Variants in CLASP1 observed in about 807,000 individuals in gnomAD.
The protein encoded by CLASP1 is CLIP-associating protein 1.
In CLASP1, 38 loss-of-function variants were observed where a neutral mutation model predicts 192.3. The ratio of observed to expected loss-of-function variants is 0.20; its 90% CI spans 0.15 to 0.26. CLASP1 has a LOEUF of 0.26. Among genes scored for constraint, CLASP1 ranks in the 10% least tolerant of loss-of-function variants. The pLI, the probability that CLASP1 is intolerant of heterozygous loss-of-function variation, is 1.00. For missense variants in CLASP1, 1,433 were observed against 1,932.5 expected (o/e 0.74, Z 4.85); for synonymous variants, 691 against 712.8 (o/e 0.97, Z 0.49).
intron 2 of CLASP1, among the ~76,000 whole-genome samples, chr2:121,561,881 C>T (rs1465280430): frequency 1.3e-5 from 2 of 152,162 alleles, no homozygotes; most frequent in East Asian, 3.8e-4. Context: ...GGCTTATCTA[C>T]AAGGGTTATT....
intron 9 of CLASP1, among the ~76,000 whole-genome samples, chr2:121,463,784 G>A (rs2088702017): frequency 6.6e-6 from 1 of 152,102 alleles, no homozygotes. Context: ...AGGGACTTCT[G>A]GAAGGGGTAT....
chr2:121,634,778 A>AT (rs34010782), intron 1 of CLASP1, among the ~76,000 whole-genome samples: 16,740 of 152,170 alleles, frequency 0.11, 1,131 homozygotes, highest in African/African-American at 0.17. Context: ...TATTGAGAGC[A>AT]TTTTTTAGAG....
chr2:121,425,045 ATC>A (rs1285098912), intron 22 of CLASP1, 92 bp downstream of exon 22: 1 of 1,261,154 alleles, frequency 7.9e-7, no homozygotes, highest in African/African-American at 1.5e-5. Flanking sequence ...CAAAAAATAG[ATC>A]TATATTTCCT....
chr2:121,633,028 A>ATATATATATATATATATATATATAT (rs71398039), intron 1 of CLASP1, among the ~76,000 whole-genome samples: 4 of 137,534 alleles, frequency 2.9e-5, no homozygotes, highest in South Asian at 2.4e-4. Context: ...ATATATATAT[A>ATATATATATATATATATATATATAT]GGCTTTTTTT....
intron 33 of CLASP1, among the ~76,000 whole-genome samples, chr2:121,381,892 C>T (rs1335561011): frequency 6.6e-6 from 1 of 152,178 alleles, no homozygotes; most frequent in African/African-American, 2.4e-5. Context: ...ACGCTGACCT[C>T]ACAGCATTTC....
In CLASP1 at chr2:121,425,125, T is replaced by C. The variant is rs745386812; in HGVS notation, c.2212+14A>G. 34 of 1,592,264 alleles carry C rather than the reference T, an allele frequency of 2.1e-5. 1 individual carries two copies. In the Middle Eastern group the frequency reaches 3.3e-3, roughly 156 times the overall value. ...AGCTGGGAATGGTATTCCAAGATCT[T>C]TGAGAATCCTTACCTAATCCTATTC... On this transcript the variant is annotated intron_variant, in intron 22 of 39. Transcript: ENST00000263710.
chr2:121,360,996 A>G (rs929946775), intron 37 of CLASP1, among the ~76,000 whole-genome samples: 7 of 152,242 alleles, frequency 4.6e-5, no homozygotes, highest in East Asian at 1.9e-4. Context: ...AAAAAAGCAA[A>G]TAACAAACCA....
chr2:121,615,700 C>T (rs113339117), intron 1 of CLASP1, among the ~76,000 whole-genome samples: 1 of 152,124 alleles, frequency 6.6e-6, no homozygotes, highest in African/African-American at 2.4e-5. Context: ...AGGAGAATTG[C>T]TTGAACCCAG....
intron 8 of CLASP1, among the ~76,000 whole-genome samples, chr2:121,501,670 T>C (rs958688420): frequency 2.6e-5 from 4 of 152,210 alleles, no homozygotes; most frequent in Non-Finnish European, 4.4e-5. Context: ...ATAGGAAACA[T>C]GCTGTTCAAA....
rs185965479 is a variant in CLASP1 at position 121,609,541 on chromosome 2, C to T, written c.-285-3361G>A. ...TCATGTTTTTGTGTGTTTTCTACAT[C>T]TCTATTTTCAGGGAATATTAATCAC... On this transcript the variant is annotated intron_variant, in intron 1 of 39. Transcript: ENST00000263710. 3.3e-5 allele frequency among the ~76,000 whole-genome samples: 5 copies of T among 152,228 alleles called. No homozygotes were observed. In the East Asian group the frequency reaches 9.6e-4, roughly 29 times the overall value.
intron 39 of CLASP1, among the ~76,000 whole-genome samples, chr2:121,342,096 G>C (rs2062849277): frequency 6.6e-6 from 1 of 151,948 alleles, no homozygotes; most frequent in Non-Finnish European, 1.5e-5. Context: ...AGATCATAAG[G>C]TAAACTAGAA....
intron 20 of CLASP1, among the ~76,000 whole-genome samples, chr2:121,427,911 A>G (rs2080723385): frequency 6.6e-6 from 1 of 152,216 alleles, no homozygotes; most frequent in Non-Finnish European, 1.5e-5. Flanking sequence ...CCTACTTAGT[A>G]TTAAATCAGG....
intron 2 of CLASP1, among the ~76,000 whole-genome samples, chr2:121,596,927 C>T (rs2063207814): frequency 6.6e-6 from 1 of 152,164 alleles, no homozygotes; most frequent in Non-Finnish European, 1.5e-5. Context: ...AAAGGAAGCT[C>T]TGGGTTAATA....
intron 36 of CLASP1, among the ~76,000 whole-genome samples, chr2:121,363,763 G>A (rs1024295281): frequency 1.3e-5 from 2 of 151,888 alleles, no homozygotes; most frequent in African/African-American, 4.8e-5. Flanking sequence ...ACAGTGGAAG[G>A]CCTGTCATTA....
At chr2:121,578,538 G>A (rs1374115654) in intron 2 of CLASP1, among the ~76,000 whole-genome samples, 1 of 151,066 alleles carries the variant, frequency 6.6e-6, no homozygotes, top group South Asian at 2.1e-4. Flanking sequence ...GACCATCCTG[G>A]CCAACACGGT....
intron 2 of CLASP1, chr2:121,530,578 G>A: frequency 3.7e-6 from 2 of 534,116 alleles, no homozygotes; most frequent in Non-Finnish European, 6.7e-6. Context: ...GCCAAACCCG[G>A]GTTAGCTGCG....
intron 37 of CLASP1, among the ~76,000 whole-genome samples, chr2:121,361,136 A>G (rs1454834808): frequency 6.6e-6 from 1 of 152,184 alleles, no homozygotes; most frequent in African/African-American, 2.4e-5. Context: ...GCCCGAGTCT[A>G]AGTATGTACT....
intron 37 of CLASP1, among the ~76,000 whole-genome samples, chr2:121,360,277 T>A (rs1444803561): frequency 1.3e-5 from 2 of 152,178 alleles, no homozygotes; most frequent in Admixed American, 1.3e-4. Context: ...AGAACGAAGC[T>A]CCAAGAGAGC....
chr2:121,631,412 C>T (rs1362582863), intron 1 of CLASP1, among the ~76,000 whole-genome samples: 3 of 150,532 alleles, frequency 2.0e-5, no homozygotes, highest in Admixed American at 6.6e-5. Context: ...CTCAGCCTCC[C>T]GAATAGCTGG....
Sources: allele counts gnomAD v4.1 joint callset (sites outside exome capture counted in the v4.1 genomes callset), GRCh38; gene constraint gnomAD v4.1.1; transcripts MANE v1.5; gene names NCBI Gene and HGNC (gene_info 2026-07-23, HGNC 2026-07-21).